Variants in IQGAP3 observed in about 807,000 individuals in gnomAD.
IQGAP3 encodes the protein ras GTPase-activating-like protein IQGAP3.
In IQGAP3, 165 loss-of-function variants were observed where a neutral mutation model predicts 208.2. The observed-to-expected ratio is 0.79, with a 90% confidence interval of 0.70 to 0.90. IQGAP3 has a LOEUF of 0.90. Ranked by LOEUF, IQGAP3 falls within the 40% of genes least tolerant of loss-of-function variation. The pLI, the probability that IQGAP3 is intolerant of heterozygous loss-of-function variation, is 0.00. For missense variants in IQGAP3, 1,811 were observed against 2,043.1 expected (o/e 0.89, Z 2.19); for synonymous variants, 703 against 803.6 (o/e 0.87, Z 2.12).
chr1:156,549,793 C>T (rs1466458882), intron 16 of IQGAP3, among the ~76,000 whole-genome samples: 1 of 152,192 alleles, frequency 6.6e-6, no homozygotes, highest in Non-Finnish European at 1.5e-5. Context: ...TGAGAACTAA[C>T]ACCACCAGCA....
At chr1:156,566,294 G>T in intron 3 of IQGAP3, 96 bp downstream of exon 3, 1 of 1,358,688 alleles carries the variant, frequency 7.4e-7, no homozygotes, top group Non-Finnish European at 1.0e-6. Flanking sequence ...ATCCAGATTT[G>T]GACAATAAGT....
At chr1:156,551,515 C>T (rs1427601268) in intron 15 of IQGAP3, among the ~76,000 whole-genome samples, 190 bp downstream of exon 15, 1 of 152,182 alleles carries the variant, frequency 6.6e-6, no homozygotes, top group African/African-American at 2.4e-5. Flanking sequence ...CAGGCCTGTG[C>T]TTTTCCCATG....
At chr1:156,532,829 G>C in intron 32 of IQGAP3, 151 bp downstream of exon 32, 1 of 727,528 alleles carries the variant, frequency 1.4e-6, no homozygotes, top group South Asian at 1.8e-5. Flanking sequence ...AGGCTGCAGC[G>C]AGGGGAATAA....
chr1:156,571,660 C>A (rs746316132), intron 1 of IQGAP3, among the ~76,000 whole-genome samples: 7 of 152,198 alleles, frequency 4.6e-5, no homozygotes, highest in Non-Finnish European at 1.5e-5. Flanking sequence ...TTTGTACATA[C>A]ACATGCTGTC....
chr1:156,564,729 C>T (rs145160228), intron 4 of IQGAP3, 38 bp from the exon 5 acceptor site: 3 of 1,460,044 alleles, frequency 2.1e-6, no homozygotes, highest in African/African-American at 1.4e-5. Flanking sequence ...CATTGGGAAC[C>T]TTTAAGCACC....
chr1:156,559,540 C>G (rs1185212353), intron 11 of IQGAP3, among the ~76,000 whole-genome samples: 1 of 152,214 alleles, frequency 6.6e-6, no homozygotes, highest in African/African-American at 2.4e-5. Flanking sequence ...CCCGCCACCC[C>G]CACACAATGC....
chr1:156,557,596 C>T (rs1255457630), intron 11 of IQGAP3, among the ~76,000 whole-genome samples: 2 of 73,510 alleles, frequency 2.7e-5, no homozygotes, highest in African/African-American at 4.1e-5. Context: ...CCAGCCGCCC[C>T]ATCCGGGAGG....
chr1:156,540,674 A>G, intron 23 of IQGAP3, 34 bp downstream of exon 23: 1 of 1,571,374 alleles, frequency 6.4e-7, no homozygotes, highest in Non-Finnish European at 8.8e-7. Context: ...AGGCAGGCAG[A>G]TCTCGGGGAG....
At chr1:156,534,209 A>G in intron 29 of IQGAP3, 68 bp from the exon 30 acceptor site, 1 of 1,600,748 alleles carries the variant, frequency 6.2e-7, no homozygotes, top group Admixed American at 1.7e-5. Context: ...TGTCCCCATC[A>G]TTTCCCCAGC....
intron 19 of IQGAP3, among the ~76,000 whole-genome samples, chr1:156,547,365 A>G (rs994995384): frequency 6.9e-6 from 1 of 145,506 alleles, no homozygotes; most frequent in South Asian, 2.2e-4. Context: ...CTAAACACAC[A>G]GACACACAGA....
chr1:156,536,204 C>T (rs1398377377), intron 27 of IQGAP3, among the ~76,000 whole-genome samples: 1 of 152,084 alleles, frequency 6.6e-6, no homozygotes, highest in Admixed American at 6.5e-5. Context: ...TCAACATCCT[C>T]ATCTTGCCCT....
At position 156,544,394 on chromosome 1, in the gene IQGAP3, T is replaced by C; in HGVS notation, c.2383A>G (p.Ile795Val). 6.2e-7 allele frequency: 1 copy of C among 1,613,416 alleles called. No individual in the cohort carries two copies. The highest frequency in any genetic ancestry group is 8.5e-7 in the Non-Finnish European group (1 of 1,179,326). Residue 795 changes from isoleucine to valine, a missense_variant, in exon 20 of 38, where the codon ATC becomes GTC. Physicochemically the swap from Ile to Val is conservative, Grantham distance 29. Transcript: ENST00000361170. ...GCCAAAACCACCGTAGCTACCTTGATTATGGCATCCAGGTTTGCTTTAAAA... is the reference window on the plus strand; with the variant it reads ...GCCAAAACCACCGTAGCTACCTTGACTATGGCATCCAGGTTTGCTTTAAAA... ...QYFKANLDAIIKIQAWARMWA... is the reference protein window; with the variant it reads ...QYFKANLDAIVKIQAWARMWA...
intron 15 of IQGAP3, among the ~76,000 whole-genome samples, chr1:156,550,893 T>A (rs1029296413): frequency 2.0e-5 from 3 of 152,206 alleles, no homozygotes; most frequent in Non-Finnish European, 4.4e-5. Context: ...CCTGCCACAC[T>A]GTCAGACTGA....
Position 156,550,368 on chromosome 1 carries a change from GA to G in IQGAP3, c.1735-18del, listed in dbSNP as rs750032599. On this transcript the variant is annotated intron_variant, in intron 15 of 37. Transcript: ENST00000361170. Reference sequence around the variant, plus strand: ...CCCTGTCACCTGGCAGATTGAGGGAGAAAAAAAAGATGTGACCCCAAGCTAG... The same window carrying G: ...CCCTGTCACCTGGCAGATTGAGGGAGAAAAAAAGATGTGACCCCAAGCTAG... The G allele has an allele frequency of 1.4e-5, 22 of 1,587,784 alleles. No homozygotes were observed. The highest frequency in any genetic ancestry group is 1.1e-4 in the East Asian group (5 of 44,626).
At position 156,528,610 on chromosome 1, in the gene IQGAP3, C is replaced by G. The variant is rs746009021; in HGVS notation, c.4572G>C (p.Lys1524Asn). The change falls in exon 36 of 38, where the codon AAG becomes AAC. Residue 1524 changes from lysine to asparagine, a missense_variant and splice_region_variant. Transcript: ENST00000361170. ...GCTGCTTCTTCCCCTTCCCAGAACT[C>G]CTGATTAAAAGAAGGCCCCAGAGAA... Reference protein sequence around the residue: ...ACLDHLAPDSKSSGKGKKQPS... With the variant: ...ACLDHLAPDSNSSGKGKKQPS... 4 of 1,610,470 alleles carry G rather than the reference C, an allele frequency of 2.5e-6. No homozygotes were observed. In the East Asian group the frequency reaches 8.9e-5, roughly 36 times the overall value.
At position 156,528,938 on chromosome 1, in the gene IQGAP3, C is replaced by A; in HGVS notation, c.4549G>T (p.Asp1517Tyr). ...TACTTGGAGTCGGGGGCCAGGTGGT[C>A]CAGGCAGGCCCGGATGTACTGGCTG... Reference protein sequence around the residue: ...YYSQYIRACLDHLAPDSKSSG... With the variant: ...YYSQYIRACLYHLAPDSKSSG... Residue 1517 changes from aspartate (D) to tyrosine (Y), a missense_variant, in exon 35 of 38, where the codon GAC (aspartate) becomes TAC (tyrosine). Transcript: ENST00000361170. 2 of 1,614,204 alleles carry A rather than the reference C, an allele frequency of 1.2e-6. No individual in the cohort carries two copies. The highest frequency in any genetic ancestry group is 1.3e-5 in the African/African-American group (1 of 75,052).
At chr1:156,549,386 G>A (rs569057001) in intron 16 of IQGAP3, among the ~76,000 whole-genome samples, 18 of 150,752 alleles carry the variant, frequency 1.2e-4, no homozygotes, top group Non-Finnish European at 2.4e-4. Context: ...CCCAAGAATC[G>A]CTTGAACCTG....
chr1:156,562,335 G>A (rs1041175237), intron 9 of IQGAP3, among the ~76,000 whole-genome samples: 3 of 136,858 alleles, frequency 2.2e-5, no homozygotes, highest in East Asian at 2.9e-4. Context: ...CTGCCCCCCC[G>A]GCATCAAGAG....
chr1:156,537,616 G>A (rs1459659056), intron 26 of IQGAP3, among the ~76,000 whole-genome samples: 2 of 152,154 alleles, frequency 1.3e-5, no homozygotes, highest in African/African-American at 2.4e-5. Context: ...AGGCGGCTGC[G>A]CTGCAAATAG....
Sources: allele counts gnomAD v4.1 joint callset (sites outside exome capture counted in the v4.1 genomes callset), GRCh38; gene constraint gnomAD v4.1.1; transcripts MANE v1.5; gene names NCBI Gene and HGNC (gene_info 2026-07-23, HGNC 2026-07-21).